PGS1: variants seen among roughly 807,000 people sequenced by gnomAD.
PGS1 encodes CDP-diacylglycerol--glycerol-3-phosphate 3-phosphatidyltransferase, mitochondrial.
Under a neutral mutation model 58.3 loss-of-function variants are expected in PGS1, and 44 were observed. The observed-to-expected ratio is 0.75, with a 90% CI of 0.59 to 0.97. The LOEUF (loss-of-function observed/expected upper bound fraction) is 0.97. Among genes scored for constraint, PGS1 ranks in the 50% least tolerant of loss-of-function variants. The probability of loss-of-function intolerance (pLI) is 0.00; values close to 1 mark genes in which losing one functional copy is unlikely to be tolerated. For missense variants in PGS1, 684 were observed against 731.1 expected (o/e 0.94, Z 0.74); for synonymous variants, 330 against 311.0 (o/e 1.06, Z -0.64).
intron 9 of PGS1, among the ~76,000 whole-genome samples, chr17:78,423,364 C>T (rs555129004): frequency 6.6e-6 from 1 of 152,256 alleles, no homozygotes; most frequent in Admixed American, 6.5e-5. Context: ...GGTGTGTTTC[C>T]TTACTTGTAA....
In PGS1 at chr17:78,399,387, G is replaced by A. The variant is rs201673197; in HGVS notation, c.551G>A (p.Arg184Gln). Residue 184 changes from arginine (R) to glutamine (Q), a missense_variant, in exon 5 of 10, where the codon CGG (arginine) becomes CAG (glutamine). By Grantham distance (43) the Arg-to-Gln change is conservative. Transcript: ENST00000262764. ...NSRTMLLPLL[R>Q]RFPEQVRVSL... Reference sequence around the variant, plus strand: ...CGCACAATGCTGCTCCCACTCCTGCGGAGGTTCCCAGAGCAGGTCCGAGTC... The same window carrying A: ...CGCACAATGCTGCTCCCACTCCTGCAGAGGTTCCCAGAGCAGGTCCGAGTC... 298 of 1,614,158 alleles carry A rather than the reference G, an allele frequency of 1.8e-4. No homozygotes were observed. The highest frequency in any genetic ancestry group is 2.4e-4 in the Non-Finnish European group (280 of 1,180,030).
chr17:78,386,660 A>G (rs919241132), intron 1 of PGS1, among the ~76,000 whole-genome samples: 2 of 152,178 alleles, frequency 1.3e-5, no homozygotes. Flanking sequence ...GGACTGGGCC[A>G]TGTGCTTTCT....
chr17:78,387,105 C>T (rs2082450312), intron 1 of PGS1, among the ~76,000 whole-genome samples: 1 of 152,144 alleles, frequency 6.6e-6, no homozygotes, highest in African/African-American at 2.4e-5. Flanking sequence ...CCAGGTTCAA[C>T]CAATTCTCCT....
chr17:78,388,312 C>A (rs1369382082), intron 1 of PGS1, among the ~76,000 whole-genome samples: 1 of 152,160 alleles, frequency 6.6e-6, no homozygotes, highest in Non-Finnish European at 1.5e-5. Flanking sequence ...TAGGTGAACC[C>A]TGACACCTGT....
At chr17:78,389,887 A>G (rs1002735409) in intron 1 of PGS1, among the ~76,000 whole-genome samples, 5 of 152,146 alleles carry the variant, frequency 3.3e-5, no homozygotes, top group African/African-American at 4.8e-5. Context: ...AAGTGCTAAG[A>G]TTATAGGCAT....
chr17:78,396,383 C>T lies in PGS1; in HGVS notation c.409C>T (p.Leu137=). ...GGGGACAGGTCCTTTGGAACAGGAG[C>T]TGGTAAGGTTTATGGGGAGATGGTT... ...YLGTGPLEQE[L]VDCLESTLEK... is the part of the protein sequence containing the mutation. Residue 137 remains leucine (L), a splice_region_variant and synonymous_variant, in exon 3 of 10, where the codon CTG becomes TTG. Coordinates refer to ENST00000262764, the MANE Select transcript of PGS1 (RefSeq NM_024419.5). 6.2e-7 allele frequency: 1 copy of T among 1,608,806 alleles called. No homozygotes were observed. Among genetic ancestry groups the T allele is most frequent in the Non-Finnish European group, 8.5e-7 (1 of 1,176,660 alleles).
rs369520287 is a variant in PGS1, at chr17:78,385,445, G to C, written c.143+6637G>C. On this transcript the variant is annotated intron_variant, in intron 1 of 9. Coordinates refer to ENST00000262764, the MANE Select transcript of PGS1 (RefSeq NM_024419.5). ...CTGGGACTGCAGGTGCCTGCCACCA[G>C]GCCCGGCTAATTTTTTGTAATTTTT... is the stretch of plus-strand genomic sequence containing the variant. Among the ~76,000 whole-genome samples, 217 of 151,982 alleles carry C rather than the reference G, an allele frequency of 1.4e-3. 2 individuals carry two copies. Among genetic ancestry groups the C allele is most frequent in the African/African-American group, 4.8e-3 (201 of 41,474 alleles).
intron 1 of PGS1, 71 bp from the exon 2 acceptor site, chr17:78,392,405 A>C: frequency 8.9e-7 from 1 of 1,129,610 alleles, no homozygotes; most frequent in Non-Finnish European, 1.3e-6. Flanking sequence ...CTCCCCAGTA[A>C]CTGAGGGGGG....
At chr17:78,383,360 G>A (rs976965568) in intron 1 of PGS1, among the ~76,000 whole-genome samples, 3 of 152,042 alleles carry the variant, frequency 2.0e-5, no homozygotes, top group Non-Finnish European at 4.4e-5. Flanking sequence ...TCGAGTAGCT[G>A]GGATTACAGG....
chr17:78,410,619 A>ACCCC (rs1320259379), intron 7 of PGS1, among the ~76,000 whole-genome samples: 12 of 151,784 alleles, frequency 7.9e-5, no homozygotes, highest in Admixed American at 2.0e-4. Flanking sequence ...GATTACAGGC[A>ACCCC]CGCACCAGAA....
At chr17:78,398,118 G>C (rs964823358) in intron 3 of PGS1, 134 bp from the exon 4 acceptor site, 3 of 760,522 alleles carry the variant, frequency 3.9e-6, no homozygotes, top group Non-Finnish European at 4.8e-6. Flanking sequence ...TGGTGTTGGT[G>C]TCCGAGTGCT....
In PGS1 at chr17:78,414,961, C is replaced by T. The variant is rs1249019030; in HGVS notation, c.1485C>T (p.His495=). The change falls in exon 8 of 10, where the codon CAC becomes CAT. Residue 495 remains histidine, a synonymous_variant. Transcript: ENST00000262764. ...CTAATTTTGGGTACAGGTCAGTTCA[C>T]CGGGACCTGGAGGCCCAGATTGCGA... ...GSPNFGYRSV[H]RDLEAQIAIV... 6.2e-7 allele frequency: 1 copy of T among 1,613,882 alleles called. No homozygotes were observed. The highest frequency in any genetic ancestry group is 2.2e-5 in the East Asian group (1 of 44,884).
intron 9 of PGS1, chr17:78,423,796 A>T (rs1354779735): frequency 5.0e-6 from 7 of 1,397,988 alleles, no homozygotes; most frequent in Non-Finnish European, 6.9e-6. Flanking sequence ...ATTATTTAAG[A>T]GAACGAAAAA....
chr17:78,396,351 T>C lies in PGS1; in HGVS notation c.377T>C (p.Leu126Pro), dbSNP rs757256947. ...VAKRRVVMASLYLGTGPLEQE... is the reference protein window; with the variant it reads ...VAKRRVVMASPYLGTGPLEQE... The stretch of plus-strand genomic sequence containing the variant: ...AAGAGGCGGGTCGTGATGGCATCCC[T>C]CTACCTGGGGACAGGTCCTTTGGAA... The change falls in exon 3 of 10, where the codon CTC becomes CCC. Residue 126 changes from leucine to proline, a missense_variant. Physicochemically the swap from Leu to Pro is moderately conservative, Grantham distance 98. Coordinates refer to ENST00000262764, the MANE Select transcript of PGS1 (RefSeq NM_024419.5). The C allele has an allele frequency of 1.2e-6, 2 of 1,613,618 alleles. No individual in the cohort carries two copies. The highest frequency in any genetic ancestry group is 1.7e-6 in the Non-Finnish European group (2 of 1,179,710).
intron 9 of PGS1, chr17:78,423,856 C>T (rs2086216531): frequency 6.2e-7 from 1 of 1,604,504 alleles, no homozygotes. Flanking sequence ...AGGTGAAGGG[C>T]TGAGTTGTGG....
At chr17:78,383,637 A>G (rs982371000) in intron 1 of PGS1, among the ~76,000 whole-genome samples, 4 of 152,214 alleles carry the variant, frequency 2.6e-5, no homozygotes, top group Admixed American at 6.5e-5. Context: ...TTGTGATGGG[A>G]TTCGGTCTTC....
chr17:78,410,816 CATT>C (rs2084617204), intron 7 of PGS1, among the ~76,000 whole-genome samples: 1 of 152,034 alleles, frequency 6.6e-6, no homozygotes, highest in Admixed American at 6.6e-5. Flanking sequence ...TTGGGAGAGA[CATT>C]ATTACTCTCA....
intron 1 of PGS1, among the ~76,000 whole-genome samples, chr17:78,388,769 A>G (rs2082590166): frequency 6.6e-6 from 1 of 152,176 alleles, no homozygotes; most frequent in Non-Finnish European, 1.5e-5. Context: ...CCTTCCCAGT[A>G]GCCCAGGCAT....
intron 7 of PGS1, among the ~76,000 whole-genome samples, chr17:78,410,569 G>A (rs1339738194): frequency 7.2e-6 from 1 of 138,254 alleles, no homozygotes; most frequent in Non-Finnish European, 1.5e-5. Context: ...CGCCTCCTGG[G>A]TTTAAGCCAT....
Sources: gnomAD v4.1 joint callset for allele counts (sites outside exome capture counted in the v4.1 genomes callset) on GRCh38, gnomAD v4.1.1 for gene constraint, MANE v1.5 for transcripts, NCBI Gene and HGNC (gene_info 2026-07-23, HGNC 2026-07-21) for gene names.